Variants in GALNT13 observed in about 807,000 individuals in gnomAD.
The protein encoded by GALNT13 is UDP-GalNAc:polypeptide N-acetylgalactosaminyltransferase 13.
GALNT13 carries 28 observed loss-of-function variants against 64.2 expected under a neutral mutation model. That is an observed-to-expected ratio of 0.44 (90% CI 0.32 to 0.60). The LOEUF (loss-of-function observed/expected upper bound fraction) is 0.60. Among genes scored for constraint, GALNT13 ranks in the 20% least tolerant of loss-of-function variants. GALNT13 has a pLI of 0.05. For synonymous variants in GALNT13, 214 were observed against 224.6 expected (o/e 0.95, Z 0.42); for missense variants, 577 against 669.8 (o/e 0.86, Z 1.53).
At chr2:153,639,859 C>T in the GALNT13 span, among the ~76,000 whole-genome samples, 2 of 152,206 alleles carry the variant, frequency 1.3e-5, no homozygotes, top group South Asian at 4.1e-4. Flanking sequence ...GAAATGGAGT[C>T]AGAAAAGTTT....
intron 9 of GALNT13, among the ~76,000 whole-genome samples, chr2:154,343,885 C>T (rs1040892674): frequency 1.3e-5 from 2 of 151,976 alleles, no homozygotes; most frequent in Non-Finnish European, 2.9e-5. Context: ...TTTACTGTGA[C>T]TAATTGAACC....
the GALNT13 span, among the ~76,000 whole-genome samples, chr2:153,533,466 G>C: frequency 1.3e-5 from 2 of 151,874 alleles, no homozygotes; most frequent in Non-Finnish European, 2.9e-5. Context: ...TGGCTAGGCT[G>C]GTCTCAAACT....
At chr2:153,584,405 C>T in the GALNT13 span, among the ~76,000 whole-genome samples, 2 of 152,208 alleles carry the variant, frequency 1.3e-5, no homozygotes, top group East Asian at 3.9e-4. Flanking sequence ...TCATAAGCAT[C>T]CTACAGCTAC....
At chr2:153,359,076 TTTTAA>T in the GALNT13 span, among the ~76,000 whole-genome samples, 20,933 of 152,194 alleles carry the variant, frequency 0.14, 1,486 homozygotes, top group Non-Finnish European at 0.16. Flanking sequence ...AGTTCATTCA[TTTTAA>T]TTTATGTATA....
At chr2:153,395,343 G>A in the GALNT13 span, among the ~76,000 whole-genome samples, 41 of 152,230 alleles carry the variant, frequency 2.7e-4, no homozygotes, top group African/African-American at 9.4e-4. Flanking sequence ...TGGAGTCACG[G>A]TTGTACAGAA....
rs539108249 is a variant in GALNT13 at position 154,420,136 on chromosome 2, C to T, written c.1395+11054C>T. 5.3e-5 allele frequency among the ~76,000 whole-genome samples: 8 copies of T among 152,212 alleles called. No homozygotes were observed. The East Asian group carries it at 1.5e-3, about 29-fold the overall frequency. On this transcript the variant is annotated intron_variant, in intron 11 of 12. Coordinates refer to ENST00000392825, the MANE Select transcript of GALNT13 (RefSeq NM_052917.4). ...GTTTAATAAAACCCCACTACATACA[C>T]ACACACATACACGTAGACACAAAGG... is the stretch of plus-strand genomic sequence containing the variant.
At chr2:153,713,066 T>C in the GALNT13 span, among the ~76,000 whole-genome samples, 24 of 152,318 alleles carry the variant, frequency 1.6e-4, no homozygotes, top group Non-Finnish European at 2.9e-4. Flanking sequence ...GGTGAGTCAC[T>C]TCAGGCATTC....
chr2:153,233,921 G>T, the GALNT13 span, among the ~76,000 whole-genome samples: 3 of 152,252 alleles, frequency 2.0e-5, no homozygotes, highest in East Asian at 3.9e-4. Context: ...AATTATATTT[G>T]TATGTAGTTT....
chr2:153,724,182 C>A, the GALNT13 span, among the ~76,000 whole-genome samples: 1 of 142,018 alleles, frequency 7.0e-6, no homozygotes, highest in East Asian at 2.0e-4. Flanking sequence ...TTTGACAAAC[C>A]GGAGAAAAAC....
intron 8 of GALNT13, among the ~76,000 whole-genome samples, chr2:154,300,101 T>TC (rs1693349456): frequency 7.3e-6 from 1 of 137,156 alleles, no homozygotes; most frequent in African/African-American, 3.1e-5. Context: ...CTTTCTCTCT[T>TC]TTTTTTTTTT....
the GALNT13 span, among the ~76,000 whole-genome samples, chr2:153,173,000 A>G: frequency 6.6e-6 from 1 of 152,176 alleles, no homozygotes; most frequent in Non-Finnish European, 1.5e-5. Context: ...GGGAATGAGA[A>G]TAATGACTTG....
chr2:154,087,982 T>C (rs1701617141), intron 3 of GALNT13, among the ~76,000 whole-genome samples: 1 of 152,156 alleles, frequency 6.6e-6, no homozygotes. Flanking sequence ...TTTTTTTAAA[T>C]AATGGAATTT....
the GALNT13 span, among the ~76,000 whole-genome samples, chr2:153,256,499 G>A: frequency 0.34 from 51,984 of 151,992 alleles, 9,127 homozygotes; most frequent in Middle Eastern, 0.51. Context: ...GCTTTGTTCC[G>A]TTGCTGGTGA....
chr2:154,345,625 C>G (rs1696028180), intron 9 of GALNT13, among the ~76,000 whole-genome samples: 1 of 151,984 alleles, frequency 6.6e-6, no homozygotes, highest in African/African-American at 2.4e-5. Context: ...AGAGCATACC[C>G]TAAAATTGAA....
At chr2:154,020,488 T>A (rs1362276926) in intron 3 of GALNT13, among the ~76,000 whole-genome samples, 1 of 152,236 alleles carries the variant, frequency 6.6e-6, no homozygotes, top group Non-Finnish European at 1.5e-5. Flanking sequence ...TTTGGCTGCA[T>A]AAATGTCTTC....
chr2:153,461,097 G>A, the GALNT13 span, among the ~76,000 whole-genome samples: 1 of 152,036 alleles, frequency 6.6e-6, no homozygotes, highest in Non-Finnish European at 1.5e-5. Context: ...TTTATCAATT[G>A]TATATCCTTC....
chr2:153,999,388 G>T (rs1279725727), intron 3 of GALNT13, among the ~76,000 whole-genome samples: 2 of 150,984 alleles, frequency 1.3e-5, no homozygotes, highest in African/African-American at 2.4e-5. Flanking sequence ...CCTTTGTCTT[G>T]TTCCAGATCT....
the GALNT13 span, among the ~76,000 whole-genome samples, chr2:153,478,984 G>C: frequency 1.6e-4 from 25 of 152,348 alleles, no homozygotes; most frequent in Middle Eastern, 0.01. Flanking sequence ...GGCGAACCTG[G>C]TCTTGCTTTT....
chr2:154,375,915 A>C (rs1697968336), intron 9 of GALNT13, among the ~76,000 whole-genome samples: 1 of 152,220 alleles, frequency 6.6e-6, no homozygotes, highest in Non-Finnish European at 1.5e-5. Flanking sequence ...CCGGCAATGC[A>C]TAACCTGGCA....
Sources: allele counts gnomAD v4.1 joint callset (sites outside exome capture counted in the v4.1 genomes callset), GRCh38; gene constraint gnomAD v4.1.1; transcripts MANE v1.5; gene names NCBI Gene and HGNC (gene_info 2026-07-23, HGNC 2026-07-21).